The following GDPD5 variants were observed in gnomAD, a reference collection of about 807,000 sequenced individuals.
GDPD5 encodes glycerophosphodiester phosphodiesterase 2.
A neutral mutation model predicts 75.1 loss-of-function variants in GDPD5; 48 were observed. The ratio of observed to expected loss-of-function variants is 0.64; its 90% CI spans 0.51 to 0.81. The LOEUF (loss-of-function observed/expected upper bound fraction) is 0.81, where lower values mean the gene tolerates loss of function less well. Ranked by LOEUF, GDPD5 falls within the 40% of genes least tolerant of loss-of-function variation. The pLI, the probability that GDPD5 is intolerant of heterozygous loss-of-function variation, is 0.00. For missense variants in GDPD5, 706 were observed against 822.6 expected, an observed-to-expected ratio of 0.86 and a Z score of 1.73; for synonymous variants, 336 against 339.0, an observed-to-expected ratio of 0.99 and a Z score of 0.10.
intron 1 of GDPD5, among the ~76,000 whole-genome samples, chr11:75,513,830 G>A (rs906989568): frequency 2.0e-5 from 3 of 152,328 alleles, no homozygotes; most frequent in African/African-American, 7.2e-5. Context: ...GAGACCACCT[G>A]GCTAGTAGCC....
At chr11:75,502,480 G>C (rs1950318724) in intron 1 of GDPD5, among the ~76,000 whole-genome samples, 1 of 152,228 alleles carries the variant, frequency 6.6e-6, no homozygotes, top group African/African-American at 2.4e-5. Context: ...CCTAGGCATT[G>C]TTCTAGGCAT....
At chr11:75,466,593 A>G (rs1257692928) in intron 3 of GDPD5, among the ~76,000 whole-genome samples, 1 of 152,148 alleles carries the variant, frequency 6.6e-6, no homozygotes. Flanking sequence ...CACAGTCTGC[A>G]TAACACTAGG....
At chr11:75,462,953 C>T in intron 3 of GDPD5, 64 bp from the exon 4 acceptor site, 1 of 1,311,748 alleles carries the variant, frequency 7.6e-7, no homozygotes, top group Non-Finnish European at 1.1e-6. Flanking sequence ...CTGCCTCCCA[C>T]CAGAATGTGT....
intron 2 of GDPD5, 54 bp from the exon 3 acceptor site, chr11:75,477,849 C>T (rs1383355269): frequency 3.2e-6 from 2 of 626,542 alleles, no homozygotes; most frequent in Admixed American, 3.0e-5. Flanking sequence ...GAGTCAGGCA[C>T]CACACAGCAA....
At chr11:75,499,950 G>C (rs1283641262) in intron 1 of GDPD5, among the ~76,000 whole-genome samples, 1 of 152,144 alleles carries the variant, frequency 6.6e-6, no homozygotes, top group African/African-American at 2.4e-5. Context: ...TCTGCCTCCT[G>C]GGATCCTCCC....
At chr11:75,479,862 C>T (rs1352772896) in intron 2 of GDPD5, among the ~76,000 whole-genome samples, 1 of 152,182 alleles carries the variant, frequency 6.6e-6, no homozygotes. Context: ...CAAGGCTCAT[C>T]CATGTTGTAG....
chr11:75,519,711 C>G (rs2135512354), intron 1 of GDPD5, among the ~76,000 whole-genome samples: 1 of 152,356 alleles, frequency 6.6e-6, no homozygotes. Context: ...TTTAGCCCTA[C>G]CCTGTGCCAC....
chr11:75,442,743 C>T, intron 11 of GDPD5, 162 bp from the exon 12 acceptor site: 1 of 653,376 alleles, frequency 1.5e-6, no homozygotes, highest in Non-Finnish European at 2.6e-6. Context: ...GAGGCCCCAG[C>T]CCTAACCTTT....
At chr11:75,480,918 T>C (rs1229350403) in intron 2 of GDPD5, among the ~76,000 whole-genome samples, 1 of 152,264 alleles carries the variant, frequency 6.6e-6, no homozygotes, top group Non-Finnish European at 1.5e-5. Context: ...CATTTATGTA[T>C]TGTCTACGGC....
At chr11:75,453,519 G>A (rs1181900043) in intron 6 of GDPD5, among the ~76,000 whole-genome samples, 1 of 151,914 alleles carries the variant, frequency 6.6e-6, no homozygotes, top group African/African-American at 2.4e-5. Context: ...TCGGGAGGCT[G>A]AGGCAGGAGA....
chr11:75,498,277 C>T (rs755285736), intron 1 of GDPD5, among the ~76,000 whole-genome samples: 16 of 152,206 alleles, frequency 1.1e-4, no homozygotes, highest in Non-Finnish European at 1.9e-4. Flanking sequence ...TCAGTACAGC[C>T]AGGAAGGGCA....
chr11:75,497,742 G>T (rs1405008915), intron 1 of GDPD5, among the ~76,000 whole-genome samples: 2 of 152,190 alleles, frequency 1.3e-5, no homozygotes, highest in Non-Finnish European at 2.9e-5. Context: ...CCTGACCACT[G>T]GGGGCTTAAT....
chr11:75,498,765 G>A (rs1950255595), intron 1 of GDPD5, among the ~76,000 whole-genome samples: 1 of 152,160 alleles, frequency 6.6e-6, no homozygotes, highest in African/African-American at 2.4e-5. Context: ...CACACAGCCT[G>A]GGATTCCCCC....
In GDPD5 at chr11:75,435,500, T is replaced by C; in HGVS notation, c.*7A>G. 6.3e-7 allele frequency: 1 copy of C among 1,593,176 alleles called. No homozygotes were observed. The highest frequency in any genetic ancestry group is 1.7e-5 in the Admixed American group (1 of 57,870). The stretch of plus-strand genomic sequence containing the variant: ...GTCAGGTACAGGTGGGACAGACATG[T>C]CTTCAGCTAACGCCCACTCCGCTCT... On this transcript the variant is annotated 3_prime_UTR_variant, in exon 17 of 17. Transcript: ENST00000336898.
chr11:75,474,934 A>T (rs1350857089), intron 3 of GDPD5, among the ~76,000 whole-genome samples: 1 of 152,156 alleles, frequency 6.6e-6, no homozygotes, highest in African/African-American at 2.4e-5. Flanking sequence ...CATCTTCAAC[A>T]CACGCTATCT....
In GDPD5 at chr11:75,449,904, A is replaced by G. The variant is rs1056912595; in HGVS notation, c.455T>C (p.Val152Ala). ...ACTCACCTGCAGGGAGATCAGCAGCACCTCCCACTCGTCCTCCCACAGCTG... is the reference window on the plus strand; with the variant it reads ...ACTCACCTGCAGGGAGATCAGCAGCGCCTCCCACTCGTCCTCCCACAGCTG... The part of the protein sequence containing the change: ...VAQLWEDEWE[V>A]LLISLQGTAP... The change falls in exon 7 of 17, where the codon GTG (valine) becomes GCG (alanine). Residue 152 changes from valine to alanine, a missense_variant. Val to Ala is a moderately conservative substitution (Grantham distance 64). Transcript: ENST00000336898. 1 of 1,613,132 alleles carries G rather than the reference A, an allele frequency of 6.2e-7. No homozygotes were observed. The highest frequency in any genetic ancestry group is 1.1e-5 in the South Asian group (1 of 91,062).
chr11:75,481,781 C>T (rs886830163), intron 2 of GDPD5, among the ~76,000 whole-genome samples: 3 of 152,046 alleles, frequency 2.0e-5, no homozygotes, highest in African/African-American at 7.2e-5. Flanking sequence ...GCCCCCGCCT[C>T]CCCAGGAAGG....
At chr11:75,520,378 G>C (rs947396639) in intron 1 of GDPD5, among the ~76,000 whole-genome samples, 2 of 152,188 alleles carry the variant, frequency 1.3e-5, no homozygotes, top group African/African-American at 4.8e-5. Context: ...AAAAAACAGA[G>C]GTGCAAAAGT....
chr11:75,516,601 C>A (rs1177270676), intron 1 of GDPD5, among the ~76,000 whole-genome samples: 1 of 152,190 alleles, frequency 6.6e-6, no homozygotes, highest in Non-Finnish European at 1.5e-5. Flanking sequence ...GACTGGGAGA[C>A]AGGGAGCGTG....
Sources: allele counts gnomAD v4.1 joint callset (sites outside exome capture counted in the v4.1 genomes callset), GRCh38; gene constraint gnomAD v4.1.1; transcripts MANE v1.5; gene names NCBI Gene and HGNC (gene_info 2026-07-23, HGNC 2026-07-21).